Variants in RERE observed in about 807,000 individuals in gnomAD.
The protein encoded by RERE is arginine-glutamic acid dipeptide repeats.
In RERE, 40 loss-of-function variants were observed where a neutral mutation model predicts 146.1. The ratio of observed to expected loss-of-function variants is 0.27; its 90% CI spans 0.21 to 0.36. The LOEUF (loss-of-function observed/expected upper bound fraction) is 0.36, where lower values mean the gene tolerates loss of function less well. RERE is among the 10% of genes least tolerant of loss of function. The pLI is 1.00. For synonymous variants in RERE, 1,003 were observed against 866.0 expected, an observed-to-expected ratio of 1.16 and a Z score of -2.78; for missense variants, 1,933 against 2,138.7, an observed-to-expected ratio of 0.90 and a Z score of 1.90.
intron 1 of RERE, chr1:8,786,430 T>C (rs148805036): frequency 1.6e-4 from 143 of 867,912 alleles, no homozygotes; most frequent in Middle Eastern, 9.6e-4. Flanking sequence ...CAAAGCGTTA[T>C]CTGTCAAAGC....
At chr1:8,698,313 TCATTTTATTAAAAGG>T (rs112063716) in intron 1 of RERE, among the ~76,000 whole-genome samples, 215 of 150,912 alleles carry the variant, frequency 1.4e-3, no homozygotes, top group African/African-American at 5.2e-3. Context: ...ACTTTCACTG[TCATTTTATTAAAAGG>T]CACACAAGTC....
At chr1:8,626,824 C>T (rs1218520521) in intron 2 of RERE, among the ~76,000 whole-genome samples, 1 of 152,234 alleles carries the variant, frequency 6.6e-6, no homozygotes, top group East Asian at 1.9e-4. Flanking sequence ...CAAAATGAGC[C>T]TGTCTTTGAC....
chr1:8,726,156 T>C lies in RERE; in HGVS notation c.-144-69715A>G, dbSNP rs985724684. Among the ~76,000 whole-genome samples, 191 of 126,330 alleles carry C rather than the reference T, an allele frequency of 1.5e-3. 2 individuals carry two copies. Among genetic ancestry groups the C allele is most frequent in the African/African-American group, 5.4e-3 (188 of 34,698 alleles). The allele number at this position is 126,330 out of a possible 152,430, so 82.9% of individuals were successfully genotyped here. Reference sequence around the variant, plus strand: ...TTTCCTTTTTTCTTTTCTTTTTTTTTTTTTTTTTTTTTTTTTGAGACGGAG... The same window carrying C: ...TTTCCTTTTTTCTTTTCTTTTTTTTCTTTTTTTTTTTTTTTTGAGACGGAG... On this transcript the variant is annotated intron_variant, in intron 1 of 22. Transcript: ENST00000400908.
chr1:8,622,155 A>G (rs1291198827), intron 3 of RERE, among the ~76,000 whole-genome samples: 2 of 152,172 alleles, frequency 1.3e-5, no homozygotes, highest in African/African-American at 4.8e-5. Context: ...TACCCTGAGC[A>G]ATTACCGTAA....
chr1:8,361,097 G>A lies in RERE; in HGVS notation c.2410C>T (p.Pro804Ser). The change falls in exon 18 of 23, where the codon CCG (proline) becomes TCG (serine). Residue 804 changes from proline to serine, a missense_variant. This residue lies in a region of RERE where 1,255 missense variants were observed against 1,153.8 expected (regional missense o/e 1.09). Coordinates refer to ENST00000400908, the MANE Select transcript of RERE (RefSeq NM_001042681.2). ...PVPHTHIQQA[P>S]ALHPQRPPSP... ...GGCGGCCGCTGGGGGTGCAAGGCCG[G>A]TGCCTGTTGGATGTGGGTGTGGGGA... 6.9e-7 allele frequency: 1 copy of A among 1,441,044 alleles called. No homozygotes were observed. Among genetic ancestry groups the A allele is most frequent in the Non-Finnish European group, 9.1e-7 (1 of 1,101,638 alleles). The allele number at this position is 1,441,044 out of a possible 1,614,324, so 89.3% of individuals were successfully genotyped here. A position where few individuals can be genotyped will look rare whatever the true frequency, so the allele number is the denominator to read the frequency against.
chr1:8,736,851 GAA>G (rs34872965), intron 1 of RERE, among the ~76,000 whole-genome samples: 6,157 of 99,914 alleles, frequency 0.062, 224 homozygotes, highest in East Asian at 0.16. Context: ...AAGCAAGGGG[GAA>G]AAAAAAAAAA....
chr1:8,382,136 T>C (rs898015117), intron 12 of RERE, among the ~76,000 whole-genome samples: 3 of 152,250 alleles, frequency 2.0e-5, no homozygotes, highest in African/African-American at 4.8e-5. Context: ...CTGGAGCACA[T>C]AGAGACTTCC....
intron 17 of RERE, 106 bp from the exon 18 acceptor site, chr1:8,361,596 AAGCT>A: frequency 2.0e-6 from 3 of 1,487,914 alleles, no homozygotes; most frequent in Non-Finnish European, 2.8e-6. Flanking sequence ...ATGAAGCAGC[AAGCT>A]TGGCTCCGGG....
At chr1:8,426,100 T>C (rs900228219) in intron 11 of RERE, among the ~76,000 whole-genome samples, 1 of 152,136 alleles carries the variant, frequency 6.6e-6, no homozygotes, top group Admixed American at 6.5e-5. Flanking sequence ...TTTCTATGAG[T>C]CTGTACTTTC....
rs1211924917 is a variant in RERE at position 8,358,312 on chromosome 1, G to A, written c.4223C>T (p.Ser1408Leu). 6.8e-6 allele frequency: 11 copies of A among 1,613,614 alleles called. No individual in the cohort carries two copies. Among genetic ancestry groups the A allele is most frequent in the Non-Finnish European group, 9.3e-6 (11 of 1,179,742 alleles). The change falls in exon 20 of 23, where the codon TCG (serine) becomes TTG (leucine). Residue 1408 changes from serine to leucine, a missense_variant. Transcript: ENST00000400908. The part of the protein sequence containing the change: ...AERIHAERMA[S>L]LTSDPLARLQ... ...TCGGGCCAGGGGATCGCTGGTCAGC[G>A]ATGCCATGCGCTCTGCGTGGATACG...
intron 10 of RERE, among the ~76,000 whole-genome samples, chr1:8,485,327 C>T (rs1283302301): frequency 6.6e-6 from 1 of 152,106 alleles, no homozygotes; most frequent in African/African-American, 2.4e-5. Context: ...TGCCATCGCA[C>T]TCCAGCCTGG....
At chr1:8,409,658 C>G (rs1040667219) in intron 12 of RERE, among the ~76,000 whole-genome samples, 1 of 152,154 alleles carries the variant, frequency 6.6e-6, no homozygotes. Flanking sequence ...TGATTTGAAA[C>G]AAAAGCAGCA....
chr1:8,429,408 G>A (rs1353487072), intron 11 of RERE, among the ~76,000 whole-genome samples: 1 of 152,186 alleles, frequency 6.6e-6, no homozygotes, highest in Non-Finnish European at 1.5e-5. Flanking sequence ...TGTGTGGATA[G>A]AGAATACTGG....
At chr1:8,601,770 C>CAA (rs1557427428) in intron 4 of RERE, among the ~76,000 whole-genome samples, 2 of 145,516 alleles carry the variant, frequency 1.4e-5, no homozygotes, top group African/African-American at 5.2e-5. Context: ...CACACACACA[C>CAA]ACACACAAAC....
At chr1:8,778,773 T>A (rs557093715) in intron 1 of RERE, among the ~76,000 whole-genome samples, 1 of 152,044 alleles carries the variant, frequency 6.6e-6, no homozygotes, top group Non-Finnish European at 1.5e-5. Flanking sequence ...GAGGTGGACA[T>A]TGCAGTGAGT....
intron 10 of RERE, among the ~76,000 whole-genome samples, chr1:8,485,582 G>C (rs950711368): frequency 6.6e-6 from 1 of 152,026 alleles, no homozygotes; most frequent in African/African-American, 2.4e-5. Context: ...ACAAGCATAA[G>C]AAAACTAGAG....
intron 1 of RERE, among the ~76,000 whole-genome samples, chr1:8,711,340 C>T (rs559413029): frequency 2.6e-5 from 4 of 152,070 alleles, no homozygotes; most frequent in African/African-American, 4.8e-5. Context: ...AGTCATCAAT[C>T]GAAGGTCAGG....
At chr1:8,480,384 C>T (rs1390955638) in intron 10 of RERE, among the ~76,000 whole-genome samples, 4 of 150,782 alleles carry the variant, frequency 2.7e-5, no homozygotes, top group Non-Finnish European at 4.4e-5. Context: ...GTGATCCGCC[C>T]GCCTTGGCCT....
chr1:8,599,248 A>T (rs1225386860), intron 4 of RERE, among the ~76,000 whole-genome samples: 1 of 152,212 alleles, frequency 6.6e-6, no homozygotes, highest in African/African-American at 2.4e-5. Context: ...CTGAAATCCT[A>T]CCAGCCACCT....
Sources: gnomAD v4.1 joint callset for allele counts (sites outside exome capture counted in the v4.1 genomes callset) on GRCh38, gnomAD v4.1.1 for gene constraint, gnomAD v4.1.1 regional missense constraint, MANE v1.5 for transcripts, NCBI Gene and HGNC (gene_info 2026-07-23, HGNC 2026-07-21) for gene names.